The following GSTP1 variants were observed in gnomAD, a reference collection of about 807,000 sequenced individuals.
GSTP1 encodes glutathione S-transferase pi 1.
GSTP1 carries 28 observed loss-of-function variants against 29.4 expected under a neutral mutation model. The ratio of observed to expected loss-of-function variants is 0.95; its 90% confidence interval spans 0.71 to 1.30. The LOEUF is 1.30. Ranked by LOEUF, GSTP1 falls within the 50% of genes most tolerant of loss-of-function variation. The pLI, the probability that GSTP1 is intolerant of heterozygous loss-of-function variation, is 0.00. For missense variants in GSTP1, 267 were observed against 266.1 expected (o/e 1.00, Z -0.02); for synonymous variants, 122 against 117.0 (o/e 1.04, Z -0.28).
In GSTP1 at chr11:67,584,466, CGCTGCGCGGCCCTGCGCATGCT is replaced by C; in HGVS notation, c.45_66del (p.Cys15TrpfsTer13). On this transcript the variant is annotated frameshift_variant, in exon 3 of 7. Transcript: ENST00000398606. LOFTEE classifies it high-confidence loss of function. The stretch of plus-strand genomic sequence containing the variant: ...CTCGTACTTCTCCCTCCCCGCAGGC[CGCTGCGCGGCCCTGCGCATGCT>C]GCTGGCAGATCAGGGCCAGAGCTGG... The C allele has an allele frequency of 2.7e-6, 4 of 1,508,796 alleles. No homozygotes were observed. The highest frequency in any genetic ancestry group is 1.2e-5 in the South Asian group (1 of 80,322). 93.5% of individuals were successfully genotyped at this position (1,508,796 alleles called of 1,614,324 possible).
At chr11:67,586,044 G>A (rs2134395083) in intron 5 of GSTP1, 60 bp from the exon 6 acceptor site, 5 of 1,270,102 alleles carry the variant, frequency 3.9e-6, no homozygotes, top group South Asian at 2.4e-5. Flanking sequence ...TGGGGCAGAC[G>A]GGGGTGTCTC....
intron 2 of GSTP1, 100 bp from the exon 3 acceptor site, chr11:67,584,364 C>T (rs1867428992): frequency 1.4e-6 from 1 of 732,698 alleles, no homozygotes; most frequent in East Asian, 2.7e-5. Context: ...TCGGAGGAAC[C>T]TGTTTCCCTG....
chr11:67,585,359 A>G, intron 5 of GSTP1, 118 bp downstream of exon 5: 1 of 676,692 alleles, frequency 1.5e-6, no homozygotes, highest in Non-Finnish European at 2.5e-6. Context: ...GTCAGGGTGC[A>G]GGGGCTGGGT....
chr11:67,583,998 G>A, intron 1 of GSTP1, 136 bp from the exon 2 acceptor site: 1 of 693,712 alleles, frequency 1.4e-6, no homozygotes, highest in Non-Finnish European at 2.5e-6. Context: ...CCCCAGTGCC[G>A]TTAGCGGCTT....
chr11:67,584,398 C>T (rs1004461012), intron 2 of GSTP1, 66 bp from the exon 3 acceptor site: 3 of 890,044 alleles, frequency 3.4e-6, no homozygotes, highest in Admixed American at 2.7e-5. Flanking sequence ...CTCCTGACCC[C>T]TCCCCGGGTT....
intron 5 of GSTP1, 78 bp from the exon 6 acceptor site, chr11:67,586,026 G>A (rs1398065800): frequency 8.6e-6 from 9 of 1,050,766 alleles, no homozygotes; most frequent in Non-Finnish European, 1.2e-5. Flanking sequence ...GGACTCTGGT[G>A]TCTGGCCTGG....
In GSTP1 at chr11:67,586,589, ACT is replaced by A; in HGVS notation, c.*15_*16del. On this transcript the variant is annotated 3_prime_UTR_variant, in exon 7 of 7. Transcript: ENST00000398606. ...ACGGGAAACAGTGAGGGTTGGGGGGACTCTGAGCGGGAGGCAGAGTTTGCCTT... is the reference window on the plus strand; with the variant it reads ...ACGGGAAACAGTGAGGGTTGGGGGGACTGAGCGGGAGGCAGAGTTTGCCTT... 1 of 1,601,422 alleles carries A rather than the reference ACT, an allele frequency of 6.2e-7. No individual in the cohort carries two copies. The highest frequency in any genetic ancestry group is 8.5e-7 in the Non-Finnish European group (1 of 1,172,070).
intron 1 of GSTP1, 77 bp from the exon 2 acceptor site, chr11:67,584,057 G>C: frequency 9.1e-7 from 1 of 1,099,178 alleles, no homozygotes; most frequent in South Asian, 1.4e-5. Flanking sequence ...CGGGGGCGGG[G>C]AGGGGGGGCA....
intron 3 of GSTP1, 31 bp from the exon 4 acceptor site, chr11:67,584,654 G>A (rs1867435659): frequency 1.3e-6 from 2 of 1,591,870 alleles, no homozygotes; most frequent in African/African-American, 2.7e-5. Flanking sequence ...CAAGCTCAGT[G>A]CCCCTCCCTG....
chr11:67,584,764 G>A lies in GSTP1; in HGVS notation c.224G>A (p.Arg75His), dbSNP rs771256487. ...QSNTILRHLG[R>H]TLGLYGKDQQ... The stretch of plus-strand genomic sequence containing the variant: ...AATACCATCCTGCGTCACCTGGGCC[G>A]CACCCTTGGTGAGTCTTGAACCTCC... The change falls in exon 4 of 7, where the codon CGC (arginine) becomes CAC (histidine). Residue 75 changes from arginine to histidine, a missense_variant. Arg to His is a conservative substitution (Grantham distance 29). Transcript: ENST00000398606. The A allele has an allele frequency of 6.8e-6, 11 of 1,609,752 alleles. No homozygotes were observed. The highest frequency in any genetic ancestry group is 3.3e-5 in the Admixed American group (2 of 60,020).
Position 67,585,219 on chromosome 11 carries a change from T to A in GSTP1, c.314T>A (p.Ile105Asn). The A allele has an allele frequency of 6.3e-7, 1 of 1,580,030 alleles. No homozygotes were observed. The highest frequency in any genetic ancestry group is 8.6e-7 in the Non-Finnish European group (1 of 1,159,728). Reference sequence around the variant, plus strand: ...GTGGAGGACCTCCGCTGCAAATACATCTCCCTCATCTACACCAACTATGTG... The same window carrying A: ...GTGGAGGACCTCCGCTGCAAATACAACTCCCTCATCTACACCAACTATGTG... Reference protein sequence around the residue: ...DGVEDLRCKYISLIYTNYEAG... With the variant: ...DGVEDLRCKYNSLIYTNYEAG... Residue 105 changes from isoleucine to asparagine, a missense_variant, in exon 5 of 7, where the codon ATC (isoleucine) becomes AAC (asparagine). Physicochemically the swap from Ile to Asn is moderately radical, Grantham distance 149. Coordinates refer to ENST00000398606, the MANE Select transcript of GSTP1 (RefSeq NM_000852.4).
At chr11:67,584,349 A>G (rs906327929) in intron 2 of GSTP1, 115 bp from the exon 3 acceptor site, 6 of 724,558 alleles carry the variant, frequency 8.3e-6, no homozygotes, top group Non-Finnish European at 1.2e-5. Flanking sequence ...TGTTGTGTGA[A>G]ATCTTCGGAG....
chr11:67,584,145 A>G lies in GSTP1; in HGVS notation c.13A>G (p.Thr5Ala). 6.2e-7 allele frequency: 1 copy of G among 1,612,962 alleles called. No individual in the cohort carries two copies. Among genetic ancestry groups the G allele is most frequent in the Non-Finnish European group, 8.5e-7 (1 of 1,179,130 alleles). Residue 5 changes from threonine (T) to alanine (A), a missense_variant, in exon 2 of 7, where the codon ACC becomes GCC. Coordinates refer to ENST00000398606, the MANE Select transcript of GSTP1 (RefSeq NM_000852.4). ...TTTGTTCGCTGCAGTGCCGCCCTAC[A>G]CCGTGGTCTATTTCCCAGTTCGAGG... is the stretch of plus-strand genomic sequence containing the variant. MPPY[T>A]VVYFPVRGRC...
At chr11:67,585,320 T>A in intron 5 of GSTP1, 79 bp downstream of exon 5, 1 of 1,009,384 alleles carries the variant, frequency 9.9e-7, no homozygotes, top group Non-Finnish European at 1.5e-6. Context: ...CCCTTACCCC[T>A]CAGGTGGCTT....
rs1459781916 is a variant in GSTP1, at chr11:67,586,087, A to G, written c.337-17A>G. On this transcript the variant is annotated splice_polypyrimidine_tract_variant and intron_variant, in intron 5 of 6. Transcript: ENST00000398606. ...GGGAGGGATGAGAGTAGGATGATAC[A>G]TGGTGGTGTCTGGCAGGAGGCGGGC... 1 of 1,590,784 alleles carries G rather than the reference A, an allele frequency of 6.3e-7. No individual in the cohort carries two copies. Among genetic ancestry groups the G allele is most frequent in the East Asian group, 2.2e-5 (1 of 44,760 alleles).
Position 67,584,163 on chromosome 11 carries a change from G to T in GSTP1, c.31G>T (p.Val11Phe). ...GCCCTACACCGTGGTCTATTTCCCA[G>T]TTCGAGGTAGGAGCATGTGTCTGGC... MPPYTVVYFP[V>F]RGRCAALRML... is the part of the protein sequence containing the mutation. The change falls in exon 2 of 7, where the codon GTT (valine) becomes TTT (phenylalanine). Residue 11 changes from valine (V) to phenylalanine (F), a missense_variant. Coordinates refer to ENST00000398606, the MANE Select transcript of GSTP1 (RefSeq NM_000852.4). 1 of 1,612,682 alleles carries T rather than the reference G, an allele frequency of 6.2e-7. No homozygotes were observed. Among genetic ancestry groups the T allele is most frequent in the Non-Finnish European group, 8.5e-7 (1 of 1,178,754 alleles).
At position 67,584,473 on chromosome 11, in the gene GSTP1, C is replaced by A. The variant is rs1242562303; in HGVS notation, c.47C>A (p.Ala16Glu). ...VVYFPVRGRC[A>E]ALRMLLADQG... ...TTCTCCCTCCCCGCAGGCCGCTGCG[C>A]GGCCCTGCGCATGCTGCTGGCAGAT... The change falls in exon 3 of 7, where the codon GCG (alanine) becomes GAG (glutamate). Residue 16 changes from alanine (A) to glutamate (E), a missense_variant. Transcript: ENST00000398606. The A allele has an allele frequency of 2.0e-6, 3 of 1,522,600 alleles. No homozygotes were observed. The highest frequency in any genetic ancestry group is 1.8e-6 in the Non-Finnish European group (2 of 1,132,766). The allele number at this position is 1,522,600 out of a possible 1,614,324, so 94.3% of individuals were successfully genotyped here.
intron 6 of GSTP1, 46 bp downstream of exon 6, chr11:67,586,257 T>G (rs372024715): frequency 3.2e-6 from 5 of 1,540,276 alleles, no homozygotes. Context: ...ACCCTCTGCT[T>G]CCAGATGGAC....
chr11:67,585,456 T>A (rs904276389), intron 5 of GSTP1, among the ~76,000 whole-genome samples: 5 of 151,924 alleles, frequency 3.3e-5, no homozygotes, highest in African/African-American at 1.2e-4. Context: ...AAGTAACGGG[T>A]CATGGGGGCG....
Sources: gnomAD v4.1 joint callset for allele counts (sites outside exome capture counted in the v4.1 genomes callset) on GRCh38, gnomAD v4.1.1 for gene constraint, MANE v1.5 for transcripts, NCBI Gene and HGNC (gene_info 2026-07-23, HGNC 2026-07-21) for gene names.